The following AGMO variants were observed in gnomAD, a reference collection of about 807,000 sequenced individuals.
AGMO encodes alkylglycerol monooxygenase.
Under a neutral mutation model 60.2 loss-of-function variants are expected in AGMO, and 75 were observed. The observed-to-expected ratio is 1.25, with a 90% confidence interval of 1.03 to 1.51. The LOEUF is 1.51. Ranked by LOEUF, AGMO falls within the 40% of genes most tolerant of loss-of-function variation. The pLI, the probability that AGMO is intolerant of heterozygous loss-of-function variation, is 0.00. For missense variants in AGMO, 763 were observed against 525.5 expected (o/e 1.45, Z -4.42); for synonymous variants, 261 against 177.1 (o/e 1.47, Z -3.76).
At chr7:15,540,517 T>C (rs540178598) in intron 3 of AGMO, among the ~76,000 whole-genome samples, 1 of 152,252 alleles carries the variant, frequency 6.6e-6, no homozygotes, top group South Asian at 2.1e-4. Flanking sequence ...TCCAGCCCCT[T>C]AAATTGGCAA....
intron 12 of AGMO, among the ~76,000 whole-genome samples, chr7:15,296,927 C>A (rs1053092114): frequency 6.6e-6 from 1 of 152,130 alleles, no homozygotes; most frequent in Non-Finnish European, 1.5e-5. Flanking sequence ...TTCCTAGGAT[C>A]CTTCAGCTAG....
At chr7:15,547,503 G>C (rs1047810581) in intron 2 of AGMO, among the ~76,000 whole-genome samples, 3 of 152,162 alleles carry the variant, frequency 2.0e-5, no homozygotes, top group Non-Finnish European at 4.4e-5. Flanking sequence ...TGCCTCACTC[G>C]GGAAGCGCAA....
At chr7:15,463,612 G>A (rs1222196828) in intron 3 of AGMO, among the ~76,000 whole-genome samples, 1 of 151,962 alleles carries the variant, frequency 6.6e-6, no homozygotes, top group African/African-American at 2.4e-5. Context: ...AATTACATAG[G>A]GTCCCCTTCC....
Position 15,364,595 on chromosome 7 carries a change from G to T in AGMO, c.1263+919C>A, listed in dbSNP as rs74527228. ...CAAGGAATAATATTGCATATACACC[G>T]ATTCGCGTGTGTGAGTATATCATTT... On this transcript the variant is annotated intron_variant, in intron 12 of 12. Coordinates refer to ENST00000342526, the MANE Select transcript of AGMO (RefSeq NM_001004320.2). Among the ~76,000 whole-genome samples, 2,206 of 151,990 alleles carry T rather than the reference G, an allele frequency of 0.015. 142 individuals are homozygous for T. The East Asian group carries it at 0.23, about 16-fold the overall frequency.
At chr7:15,232,018 C>T (rs1782276263) in intron 12 of AGMO, among the ~76,000 whole-genome samples, 1 of 152,138 alleles carries the variant, frequency 6.6e-6, no homozygotes, top group Non-Finnish European at 1.5e-5. Context: ...ATATTTCTCC[C>T]CAAAGTCATA....
At chr7:15,554,239 C>G (rs141947762) in intron 2 of AGMO, among the ~76,000 whole-genome samples, 5,982 of 152,112 alleles carry the variant, frequency 0.039, 184 homozygotes, top group Middle Eastern at 0.058. Context: ...AATCTCAGCA[C>G]ATGACTCTGC....
chr7:15,305,378 C>G (rs892169203), intron 12 of AGMO, among the ~76,000 whole-genome samples: 5 of 151,838 alleles, frequency 3.3e-5, no homozygotes, highest in African/African-American at 1.2e-4. Flanking sequence ...AGGATTGGCA[C>G]TTATTGTGAG....
intron 3 of AGMO, among the ~76,000 whole-genome samples, chr7:15,519,324 T>A (rs542965502): frequency 6.6e-6 from 1 of 151,094 alleles, no homozygotes; most frequent in South Asian, 2.1e-4. Context: ...AAGATTAGCC[T>A]TGAGAAGAGC....
At chr7:15,169,190 T>C in the AGMO span, among the ~76,000 whole-genome samples, 5 of 152,152 alleles carry the variant, frequency 3.3e-5, no homozygotes, top group African/African-American at 9.7e-5. Context: ...TGGCAAACTG[T>C]TCCTATAAAG....
At chr7:15,255,534 C>CAAAAAAAAAAAAA (rs60035165) in intron 12 of AGMO, among the ~76,000 whole-genome samples, 4 of 115,790 alleles carry the variant, frequency 3.5e-5, no homozygotes, top group African/African-American at 6.4e-5. Flanking sequence ...TGTAAGAATA[C>CAAAAAAAAAAAAA]AAAAAAAAAA....
chr7:15,385,560 G>T lies in AGMO; in HGVS notation c.960C>A (p.Val320=), dbSNP rs759873551. The T allele has an allele frequency of 1.9e-6, 3 of 1,563,288 alleles. No homozygotes were observed. Among genetic ancestry groups the T allele is most frequent in the Non-Finnish European group, 2.6e-6 (3 of 1,134,510 alleles). Residue 320 remains valine, a splice_region_variant and synonymous_variant, in exon 10 of 13, where the codon GTC becomes GTA. Coordinates refer to ENST00000342526, the MANE Select transcript of AGMO (RefSeq NM_001004320.2). Reference sequence around the variant, plus strand: ...ATGAGAAGGGAACTTCTTTGCCGGTGACCTAGGGAGACAAGAACCATTTCC... The same window carrying T: ...ATGAGAAGGGAACTTCTTTGCCGGTTACCTAGGGAGACAAGAACCATTTCC... ...RLGLSEEIPE[V]TGKEVPFSSS... is the part of the protein sequence containing the mutation.
At chr7:15,189,034 G>T in the AGMO span, among the ~76,000 whole-genome samples, 1 of 152,112 alleles carries the variant, frequency 6.6e-6, no homozygotes, top group Non-Finnish European at 1.5e-5. Flanking sequence ...GAAGTGAGAT[G>T]AAGAAATAGT....
At chr7:15,314,479 G>T (rs1780856683) in intron 12 of AGMO, among the ~76,000 whole-genome samples, 1 of 151,898 alleles carries the variant, frequency 6.6e-6, no homozygotes, top group Non-Finnish European at 1.5e-5. Context: ...TTAAGACTAG[G>T]GAAACAGTTA....
the AGMO span, among the ~76,000 whole-genome samples, chr7:15,155,234 AAT>A: frequency 1.3e-5 from 2 of 152,174 alleles, no homozygotes; most frequent in East Asian, 3.9e-4. Flanking sequence ...CAGGAATACC[AAT>A]GAGTCTCAGC....
chr7:15,390,001 C>T (rs13438424), intron 8 of AGMO, among the ~76,000 whole-genome samples: 103 of 152,120 alleles, frequency 6.8e-4, no homozygotes, highest in African/African-American at 2.4e-3. Flanking sequence ...TGTCATTGAC[C>T]CACCTCTTCA....
chr7:15,133,107 A>G, the AGMO span, among the ~76,000 whole-genome samples: 1 of 152,214 alleles, frequency 6.6e-6, no homozygotes, highest in South Asian at 2.1e-4. Flanking sequence ...CATTTTATCT[A>G]TAAAGCTGTG....
chr7:15,205,226 A>G (rs1473466231), intron 12 of AGMO, among the ~76,000 whole-genome samples: 4 of 152,206 alleles, frequency 2.6e-5, no homozygotes, highest in Admixed American at 6.5e-5. Flanking sequence ...AGAAAAACAA[A>G]TATCACTTTG....
chr7:15,244,789 C>T (rs1225979919), intron 12 of AGMO, among the ~76,000 whole-genome samples: 1 of 151,948 alleles, frequency 6.6e-6, no homozygotes, highest in East Asian at 1.9e-4. Flanking sequence ...GTGGCTGGGA[C>T]TACAGGTGCC....
intron 3 of AGMO, among the ~76,000 whole-genome samples, chr7:15,457,569 G>T (rs1782031095): frequency 6.6e-6 from 1 of 152,088 alleles, no homozygotes; most frequent in Admixed American, 6.6e-5. Flanking sequence ...TGTATTACAG[G>T]ACTGCTTACA....
Sources: gnomAD v4.1 joint callset for allele counts (sites outside exome capture counted in the v4.1 genomes callset) on GRCh38, gnomAD v4.1.1 for gene constraint, MANE v1.5 for transcripts, NCBI Gene and HGNC (gene_info 2026-07-23, HGNC 2026-07-21) for gene names.